Variants in TMTC2 observed in about 807,000 individuals in gnomAD.
TMTC2 encodes the protein transmembrane O-mannosyltransferase targeting cadherins 2.
In TMTC2, 43 loss-of-function variants were observed where a neutral mutation model predicts 82.4. The ratio of observed to expected loss-of-function variants is 0.52; its 90% confidence interval spans 0.41 to 0.67. The LOEUF (loss-of-function observed/expected upper bound fraction) is 0.67. Among genes scored for constraint, TMTC2 ranks in the 30% least tolerant of loss-of-function variants. The pLI is 0.00. For synonymous variants in TMTC2, 408 were observed against 381.9 expected (o/e 1.07, Z -0.80); for missense variants, 919 against 1,012.4 (o/e 0.91, Z 1.25).
intron 9 of TMTC2, among the ~76,000 whole-genome samples, chr12:83,044,087 T>C (rs1484915496): frequency 6.6e-6 from 1 of 152,166 alleles, no homozygotes; most frequent in East Asian, 1.9e-4. Context: ...GAAGCATGTG[T>C]GGCCGTTTAC....
At chr12:82,734,947 G>T (rs1336025299) in intron 1 of TMTC2, among the ~76,000 whole-genome samples, 2 of 152,162 alleles carry the variant, frequency 1.3e-5, no homozygotes, top group African/African-American at 2.4e-5. Context: ...ACAAAGAAGG[G>T]TGCTCAGTTA....
intron 1 of TMTC2, among the ~76,000 whole-genome samples, chr12:82,717,079 A>C (rs552857428): frequency 6.6e-6 from 1 of 152,296 alleles, no homozygotes; most frequent in African/African-American, 2.4e-5. Context: ...TGAGGAATAT[A>C]TATCACCTCT....
At chr12:82,762,984 G>A (rs909460435) in intron 1 of TMTC2, among the ~76,000 whole-genome samples, 3 of 151,882 alleles carry the variant, frequency 2.0e-5, no homozygotes, top group Non-Finnish European at 2.9e-5. Flanking sequence ...AGAAACACCC[G>A]AGACTGGGTA....
At chr12:83,128,998 T>G (rs1885180175) in intron 11 of TMTC2, among the ~76,000 whole-genome samples, 1 of 152,210 alleles carries the variant, frequency 6.6e-6, no homozygotes, top group African/African-American at 2.4e-5. Flanking sequence ...GCGATGATAC[T>G]TATTACATAT....
At chr12:82,910,449 G>T (rs1051223479) in intron 3 of TMTC2, among the ~76,000 whole-genome samples, 1 of 152,204 alleles carries the variant, frequency 6.6e-6, no homozygotes, top group African/African-American at 2.4e-5. Context: ...TGAAGCCCCA[G>T]TGGGCATGTT....
chr12:82,952,135 T>TTTC (rs1362739852), intron 4 of TMTC2, among the ~76,000 whole-genome samples: 2 of 152,098 alleles, frequency 1.3e-5, no homozygotes, highest in African/African-American at 4.8e-5. Flanking sequence ...ATCCTACCTG[T>TTTC]TTCTATTCTA....
At chr12:83,051,253 C>A (rs976510195) in intron 10 of TMTC2, among the ~76,000 whole-genome samples, 3 of 152,106 alleles carry the variant, frequency 2.0e-5, no homozygotes, top group African/African-American at 7.2e-5. Context: ...AATGCAAATT[C>A]ATAAACTTTC....
intron 1 of TMTC2, among the ~76,000 whole-genome samples, chr12:82,703,303 T>G (rs1374415472): frequency 3.3e-5 from 5 of 152,070 alleles, no homozygotes; most frequent in Admixed American, 2.6e-4. Flanking sequence ...GAAGTTTAAG[T>G]ATGACCTCCC....
chr12:82,850,988 C>T (rs752133565), intron 1 of TMTC2, among the ~76,000 whole-genome samples: 1 of 151,918 alleles, frequency 6.6e-6, no homozygotes, highest in Non-Finnish European at 1.5e-5. Context: ...CACTTGAACC[C>T]GGGAGGCAGA....
intron 2 of TMTC2, among the ~76,000 whole-genome samples, chr12:82,863,517 T>A (rs1260972432): frequency 1.3e-5 from 2 of 152,330 alleles, no homozygotes; most frequent in East Asian, 3.9e-4. Flanking sequence ...ATAAAGTCAA[T>A]GTTCAAAAAT....
intron 11 of TMTC2, among the ~76,000 whole-genome samples, chr12:83,068,326 G>A (rs1882991476): frequency 6.6e-6 from 1 of 152,050 alleles, no homozygotes; most frequent in Non-Finnish European, 1.5e-5. Context: ...TAATGGGAAA[G>A]ATATTGTTCA....
intron 1 of TMTC2, among the ~76,000 whole-genome samples, chr12:82,773,057 A>T (rs952791098): frequency 3.3e-5 from 5 of 152,206 alleles, no homozygotes; most frequent in Non-Finnish European, 5.9e-5. Flanking sequence ...GTTTTTCTTC[A>T]TAAAATTTAT....
chr12:82,687,742 T>G, intron 1 of TMTC2, 73 bp downstream of exon 1: 1 of 1,455,198 alleles, frequency 6.9e-7, no homozygotes, highest in Non-Finnish European at 9.5e-7. Flanking sequence ...CTTCCCTCTT[T>G]AAGGCTCAAA....
chr12:83,036,478 C>CTTTTTTTTTTT, intron 9 of TMTC2, among the ~76,000 whole-genome samples: 1 of 103,218 alleles, frequency 9.7e-6, no homozygotes, highest in Non-Finnish European at 1.8e-5. Flanking sequence ...GTCCCCGAGT[C>CTTTTTTTTTTT]TTTTTTTTTT....
chr12:82,798,146 G>A (rs1322491427), intron 1 of TMTC2, among the ~76,000 whole-genome samples: 1 of 150,408 alleles, frequency 6.6e-6, no homozygotes, highest in Non-Finnish European at 1.5e-5. Context: ...TAGTAGAGAC[G>A]GGGTTTCACC....
chr12:82,936,670 T>G (rs1425351698), intron 4 of TMTC2, among the ~76,000 whole-genome samples: 1 of 152,158 alleles, frequency 6.6e-6, no homozygotes, highest in East Asian at 1.9e-4. Flanking sequence ...AGAAGGCATT[T>G]GACCAGCAGC....
At chr12:82,910,741 AT>A in intron 3 of TMTC2, among the ~76,000 whole-genome samples, 1 of 152,136 alleles carries the variant, frequency 6.6e-6, no homozygotes, top group Middle Eastern at 3.4e-3. Flanking sequence ...ACTCTGCCTC[AT>A]TTGGCTGGTG....
intron 3 of TMTC2, among the ~76,000 whole-genome samples, chr12:82,927,516 T>C (rs1875787260): frequency 2.6e-5 from 4 of 152,216 alleles, no homozygotes; most frequent in South Asian, 4.1e-4. Flanking sequence ...TAGAATGTTA[T>C]ATGATCTTAG....
At chr12:82,873,350 A>T (rs1872313638) in intron 2 of TMTC2, among the ~76,000 whole-genome samples, 1 of 148,110 alleles carries the variant, frequency 6.8e-6, no homozygotes, top group Non-Finnish European at 1.5e-5. Flanking sequence ...CTGTTTTTTC[A>T]CTTGTGCCTT....
Sources: gnomAD v4.1 joint callset for allele counts (sites outside exome capture counted in the v4.1 genomes callset) on GRCh38, gnomAD v4.1.1 for gene constraint, MANE v1.5 for transcripts, NCBI Gene and HGNC (gene_info 2026-07-23, HGNC 2026-07-21) for gene names.